FHDC1: variants seen among roughly 807,000 people sequenced by gnomAD.
The protein encoded by FHDC1 is FH2 domain containing 1.
A neutral mutation model predicts 52.6 loss-of-function variants in FHDC1; 25 were observed. The observed-to-expected ratio is 0.48, with a 90% CI of 0.35 to 0.66. The LOEUF is 0.66. Among genes scored for constraint, FHDC1 ranks in the 30% least tolerant of loss-of-function variants. The probability of loss-of-function intolerance (pLI) is 0.01; values close to 1 mark genes in which losing one functional copy is unlikely to be tolerated. For synonymous variants in FHDC1, 616 were observed against 581.5 expected, an observed-to-expected ratio of 1.06 and a Z score of -0.85; for missense variants, 1,459 against 1,452.8, an observed-to-expected ratio of 1.00 and a Z score of -0.07.
Position 152,963,120 on chromosome 4 carries a change from T to C in FHDC1, c.1019T>C (p.Phe340Ser), listed in dbSNP as rs1740335472. The change falls in exon 8 of 12, where the codon TTT (phenylalanine) becomes TCT (serine). Residue 340 changes from phenylalanine to serine, a missense_variant. Physicochemically the swap from Phe to Ser is radical, Grantham distance 155. This residue lies in a region of FHDC1 where 513 missense variants were observed against 581.5 expected (regional missense o/e 0.88). Transcript: ENST00000511601. ...ANKPGMNLLHFVAQEAQKKDT... is the reference protein window; with the variant it reads ...ANKPGMNLLHSVAQEAQKKDT... ...AAACCTGGGATGAATCTCCTGCACT[T>C]TGTTGCACAGGTATGTGGAAATGAT... 6.2e-7 allele frequency: 1 copy of C among 1,613,772 alleles called. No individual in the cohort carries two copies. The highest frequency in any genetic ancestry group is 8.5e-7 in the Non-Finnish European group (1 of 1,179,944).
Position 152,976,182 on chromosome 4 carries a change from C to A in FHDC1, c.2891C>A (p.Ser964Tyr). Residue 964 changes from serine (S) to tyrosine (Y), a missense_variant, in exon 12 of 12, where the codon TCC (serine) becomes TAC (tyrosine). Coordinates refer to ENST00000511601, the MANE Select transcript of FHDC1 (RefSeq NM_001371116.1). ...AGGCTGCCGCGGGGGAGCAGCGGCT[C>A]CAGCAGCACCCGTCCGGGGAGGGAC... is the stretch of plus-strand genomic sequence containing the variant. The part of the protein sequence containing the change: ...EQRLPRGSSG[S>Y]SSTRPGRDVP... 1 of 1,612,416 alleles carries A rather than the reference C, an allele frequency of 6.2e-7. No individual in the cohort carries two copies.
At chr4:152,936,457 C>G (rs1739380627) in intron 1 of FHDC1, 48 bp downstream of exon 1, 1 of 152,152 alleles carries the variant, frequency 6.6e-6, no homozygotes, top group Non-Finnish European at 1.5e-5. Flanking sequence ...CGGCGCGGGA[C>G]ACGGGGAGCT....
At chr4:152,912,482 A>G in the FHDC1 span, 2 of 152,200 alleles carry the variant, frequency 1.3e-5, no homozygotes, top group Non-Finnish European at 2.9e-5. Context: ...TAGTCCTAGA[A>G]GTGAAAATGG....
rs558073845 is a variant in FHDC1 at position 152,949,687 on chromosome 4, GTC to G, written c.499-3809_499-3808del. On this transcript the variant is annotated intron_variant, in intron 2 of 11. Transcript: ENST00000511601. The stretch of plus-strand genomic sequence containing the variant: ...AGCAAGAGTGATGGTGTAGCCACAT[GTC>G]TCACTGAGTGGCATAGTGCTGCTGA... Among the ~76,000 whole-genome samples, 4 of 152,334 alleles carry G rather than the reference GTC, an allele frequency of 2.6e-5. No individual in the cohort carries two copies. The South Asian group carries it at 8.3e-4, about 32-fold the overall frequency.
chr4:152,925,890 GGA>G, the FHDC1 span, among the ~76,000 whole-genome samples: 4 of 144,594 alleles, frequency 2.8e-5, no homozygotes, highest in African/African-American at 5.0e-5. Context: ...AGGAGGAGGA[GGA>G]GGAGGGAGAA....
At chr4:152,944,516 C>T (rs1453407161) in intron 2 of FHDC1, among the ~76,000 whole-genome samples, 2 of 152,138 alleles carry the variant, frequency 1.3e-5, no homozygotes, top group African/African-American at 4.8e-5. Context: ...AGAGAGTAGG[C>T]AGGGCCCTGG....
intron 2 of FHDC1, among the ~76,000 whole-genome samples, chr4:152,949,453 C>T (rs1025487358): frequency 6.6e-6 from 1 of 152,080 alleles, no homozygotes; most frequent in Non-Finnish European, 1.5e-5. Flanking sequence ...GCACTCCAGC[C>T]TAGGTGACAG....
the FHDC1 span, among the ~76,000 whole-genome samples, chr4:152,923,351 A>G: frequency 6.6e-6 from 1 of 152,252 alleles, no homozygotes; most frequent in South Asian, 2.1e-4. Context: ...GCTCAAGGAA[A>G]TAAAAGAGAA....
the FHDC1 span, among the ~76,000 whole-genome samples, chr4:152,919,928 T>C: frequency 6.7e-6 from 1 of 148,780 alleles, no homozygotes; most frequent in African/African-American, 2.5e-5. Context: ...TGGAAGGCAA[T>C]TCTGGTAGGG....
At position 152,963,134 on chromosome 4, in the gene FHDC1, T is replaced by C; in HGVS notation, c.1029+4T>C. The stretch of plus-strand genomic sequence containing the variant: ...TCTCCTGCACTTTGTTGCACAGGTA[T>C]GTGGAAATGATTAGGACTTAGAGAA... On this transcript the variant is annotated splice_donor_region_variant and intron_variant, in intron 8 of 11. Transcript: ENST00000511601. 6.2e-7 allele frequency: 1 copy of C among 1,613,090 alleles called. No homozygotes were observed. The highest frequency in any genetic ancestry group is 8.5e-7 in the Non-Finnish European group (1 of 1,179,406).
In FHDC1 at chr4:152,960,659, A is replaced by G. The variant is rs776116429; in HGVS notation, c.749+9A>G. 3 of 1,614,000 alleles carry G rather than the reference A, an allele frequency of 1.9e-6. No homozygotes were observed. Among genetic ancestry groups the G allele is most frequent in the Admixed American group, 1.7e-5 (1 of 60,014 alleles). Reference sequence around the variant, plus strand: ...TTAATTCAGGTGCCAAAGTAAGGATACAGTCGCTGGTTATTATTCTTCACG... The same window carrying G: ...TTAATTCAGGTGCCAAAGTAAGGATGCAGTCGCTGGTTATTATTCTTCACG... On this transcript the variant is annotated intron_variant, in intron 5 of 11. Coordinates refer to ENST00000511601, the MANE Select transcript of FHDC1 (RefSeq NM_001371116.1).
rs151140042 is a variant in FHDC1, at chr4:152,975,505, G to T, written c.2214G>T (p.Ala738=). 1.2e-6 allele frequency: 2 copies of T among 1,613,416 alleles called. No homozygotes were observed. Among genetic ancestry groups the T allele is most frequent in the South Asian group, 1.1e-5 (1 of 91,074 alleles). ...ATGCCCTGGGGAGTCTCAGCCCAGC[G>T]CTGGAGGATGGCAAGGCTGCCCCCG... ...GRDALGSLSP[A]LEDGKAAPDE... is the part of the protein sequence containing the mutation. The change falls in exon 12 of 12, where the codon GCG becomes GCT. Residue 738 remains alanine (A), a synonymous_variant. Transcript: ENST00000511601.
At chr4:152,953,735 A>G (rs1725318201) in intron 3 of FHDC1, among the ~76,000 whole-genome samples, 175 bp downstream of exon 3, 1 of 152,266 alleles carries the variant, frequency 6.6e-6, no homozygotes, top group African/African-American at 2.4e-5. Context: ...TCAGGGAAAC[A>G]TAACATAGTG....
chr4:152,925,725 T>C, the FHDC1 span, among the ~76,000 whole-genome samples: 1 of 151,958 alleles, frequency 6.6e-6, no homozygotes, highest in Non-Finnish European at 1.5e-5. Context: ...TTTTTTTTTT[T>C]TTAACAAAGA....
intron 1 of FHDC1, among the ~76,000 whole-genome samples, chr4:152,937,659 C>T (rs1739433419): frequency 6.6e-6 from 1 of 151,698 alleles, no homozygotes; most frequent in Non-Finnish European, 1.5e-5. Flanking sequence ...CAGGCCGCGG[C>T]TTCTCTCCCC....
chr4:152,948,965 T>C (rs1241954623), intron 2 of FHDC1, among the ~76,000 whole-genome samples: 3 of 151,952 alleles, frequency 2.0e-5, no homozygotes, highest in Admixed American at 2.0e-4. Flanking sequence ...GGCTCGTGCC[T>C]GTAGTCCCCG....
chr4:152,965,619 T>G (rs1740433241), intron 9 of FHDC1, among the ~76,000 whole-genome samples: 1 of 152,210 alleles, frequency 6.6e-6, no homozygotes, highest in Non-Finnish European at 1.5e-5. Flanking sequence ...CATCCACACA[T>G]CCCACGGTAA....
In FHDC1 at chr4:152,976,499, A is replaced by C; in HGVS notation, c.3208A>C (p.Arg1070=). 6.2e-7 allele frequency: 1 copy of C among 1,613,398 alleles called. No individual in the cohort carries two copies. The highest frequency in any genetic ancestry group is 8.5e-7 in the Non-Finnish European group (1 of 1,180,004). ...ITRTVSQRQL[R]VKGDPEDAAP... is the part of the protein sequence containing the mutation. ...TCGGACAGTGTCGCAGCGGCAGCTG[A>C]GGGTGAAAGGGGACCCCGAGGATGC... Residue 1070 remains arginine (R), a synonymous_variant, in exon 12 of 12, where the codon AGG becomes CGG. Coordinates refer to ENST00000511601, the MANE Select transcript of FHDC1 (RefSeq NM_001371116.1).
At chr4:152,963,385 G>A (rs1391841500) in intron 8 of FHDC1, among the ~76,000 whole-genome samples, 1 of 152,360 alleles carries the variant, frequency 6.6e-6, no homozygotes. Context: ...AGTGTCAAAG[G>A]TGGGGAATTT....
Sources: allele counts gnomAD v4.1 joint callset (sites outside exome capture counted in the v4.1 genomes callset), GRCh38; gene constraint gnomAD v4.1.1; regional missense constraint gnomAD v4.1.1; transcripts MANE v1.5; gene names NCBI Gene and HGNC (gene_info 2026-07-23, HGNC 2026-07-21).